Variants in KDM7A observed in about 807,000 individuals in gnomAD.
KDM7A encodes lysine demethylase 7A.
A neutral mutation model predicts 114.8 loss-of-function variants in KDM7A; 28 were observed. The observed-to-expected ratio is 0.24, with a 90% CI of 0.18 to 0.33. KDM7A has a LOEUF of 0.33. Among genes scored for constraint, KDM7A ranks in the 10% least tolerant of loss-of-function variants. The pLI is 1.00. For missense variants in KDM7A, 942 were observed against 1,142.5 expected (o/e 0.82, Z 2.53); for synonymous variants, 423 against 397.8 (o/e 1.06, Z -0.75).
intron 1 of KDM7A, among the ~76,000 whole-genome samples, chr7:140,167,663 A>C (rs1200219599): frequency 1.3e-5 from 2 of 152,070 alleles, no homozygotes; most frequent in Admixed American, 1.3e-4. Flanking sequence ...ATAAAACCAC[A>C]CAAGTATTAG....
intron 1 of KDM7A, among the ~76,000 whole-genome samples, chr7:140,150,827 C>CTTTTT (rs922394260): frequency 2.3e-5 from 3 of 127,850 alleles, no homozygotes; most frequent in Non-Finnish European, 3.3e-5. Flanking sequence ...AATCTCTGTT[C>CTTTTT]TTTTTTTTTT....
intron 2 of KDM7A, among the ~76,000 whole-genome samples, chr7:140,135,037 T>TG (rs1402766291): frequency 1.6e-5 from 2 of 127,404 alleles, no homozygotes; most frequent in African/African-American, 5.5e-5. Context: ...TAAGTCCCAT[T>TG]AAAAAAAAAA....
At chr7:140,139,590 CAT>C (rs1794236024) in intron 1 of KDM7A, among the ~76,000 whole-genome samples, 1 of 151,846 alleles carries the variant, frequency 6.6e-6, no homozygotes, top group Admixed American at 6.6e-5. Context: ...TAAACAGAAA[CAT>C]ATAGCTTTAA....
At chr7:140,123,231 G>A (rs1336130788) in intron 7 of KDM7A, among the ~76,000 whole-genome samples, 3 of 152,178 alleles carry the variant, frequency 2.0e-5, no homozygotes, top group East Asian at 3.8e-4. Flanking sequence ...ATACACTGCT[G>A]GTGGTAACGT....
chr7:140,152,322 C>T (rs1056829893), intron 1 of KDM7A, among the ~76,000 whole-genome samples: 11 of 152,024 alleles, frequency 7.2e-5, no homozygotes, highest in Non-Finnish European at 1.5e-4. Context: ...GACCCAGAGA[C>T]CTCAAAGAAT....
At chr7:140,175,104 C>G (rs1794687328) in intron 1 of KDM7A, among the ~76,000 whole-genome samples, 1 of 152,152 alleles carries the variant, frequency 6.6e-6, no homozygotes, top group Non-Finnish European at 1.5e-5. Context: ...ATTGGATATA[C>G]AAGACTGCTA....
At chr7:140,118,727 T>C (rs1818572208) in intron 9 of KDM7A, among the ~76,000 whole-genome samples, 1 of 152,114 alleles carries the variant, frequency 6.6e-6, no homozygotes, top group Non-Finnish European at 1.5e-5. Flanking sequence ...AGTTTGCTTT[T>C]TTAAAAGCAA....
At chr7:140,142,657 T>C (rs1794296915) in intron 1 of KDM7A, among the ~76,000 whole-genome samples, 1 of 152,160 alleles carries the variant, frequency 6.6e-6, no homozygotes, top group South Asian at 2.1e-4. Flanking sequence ...TTTAAACTGA[T>C]AGTCTGATAC....
Position 140,176,606 on chromosome 7 carries a change from G to A in KDM7A, c.194+138C>T, listed in dbSNP as rs916913640. The A allele has an allele frequency of 1.0e-4, 55 of 533,990 alleles. No individual in the cohort carries two copies. The highest frequency in any genetic ancestry group is 1.3e-4 in the Non-Finnish European group (53 of 418,438). The allele number at this position is 533,990 out of a possible 1,614,324, so 33.1% of individuals were successfully genotyped here. On this transcript the variant is annotated intron_variant, in intron 1 of 19. Transcript: ENST00000397560. This position sits in a 1 kb window ranked among gnomAD's most constrained non-coding sequence, Gnocchi z 4.4. ...ACCGCGCGCCCCACTGCCCGGCCGGGGGGCTAGGCACCGGGGCCCCCTGAA... is the reference window on the plus strand; with the variant it reads ...ACCGCGCGCCCCACTGCCCGGCCGGAGGGCTAGGCACCGGGGCCCCCTGAA...
At chr7:140,161,471 A>G (rs1360091295) in intron 1 of KDM7A, among the ~76,000 whole-genome samples, 2 of 152,172 alleles carry the variant, frequency 1.3e-5, no homozygotes, top group East Asian at 1.9e-4. Context: ...GGTTCCAGAC[A>G]ATGGAAATAT....
chr7:140,133,884 A>G (rs1818829960), intron 2 of KDM7A, among the ~76,000 whole-genome samples: 1 of 152,200 alleles, frequency 6.6e-6, no homozygotes, highest in Non-Finnish European at 1.5e-5. Context: ...AAAACATATA[A>G]AATTAAAGCA....
At chr7:140,124,592 T>C (rs1818669410) in intron 7 of KDM7A, 29 bp downstream of exon 7, 3 of 1,565,532 alleles carry the variant, frequency 1.9e-6, no homozygotes, top group South Asian at 2.4e-5. Flanking sequence ...ATCAATCATG[T>C]TGAGTAGGGG....
chr7:140,125,680 C>T (rs1361775175), intron 6 of KDM7A, among the ~76,000 whole-genome samples: 5 of 151,834 alleles, frequency 3.3e-5, no homozygotes, highest in African/African-American at 1.2e-4. Context: ...GATCCTCCTG[C>T]CTCAGCCTCT....
chr7:140,174,204 T>TA (rs1267013799), intron 1 of KDM7A, among the ~76,000 whole-genome samples: 1 of 151,522 alleles, frequency 6.6e-6, no homozygotes, highest in Non-Finnish European at 1.5e-5. Context: ...TTAAACTTAA[T>TA]AAAAAGATAC....
chr7:140,164,143 C>G (rs1794549545), intron 1 of KDM7A, among the ~76,000 whole-genome samples: 1 of 152,080 alleles, frequency 6.6e-6, no homozygotes, highest in Non-Finnish European at 1.5e-5. Context: ...TTCTCTAAAG[C>G]CAACTACCAA....
chr7:140,129,858 C>T lies in KDM7A; in HGVS notation c.399-205G>A, dbSNP rs371179671. On this transcript the variant is annotated intron_variant, in intron 3 of 19. Transcript: ENST00000397560. ...AAATTTATAGATAATGTAATATACA[C>T]AATTCAATACATATAATTAGAAATA... Among the ~76,000 whole-genome samples the T allele has an allele frequency of 8.7e-4, 132 of 152,110 alleles. 3 individuals carry two copies. The South Asian group carries it at 0.027, about 31-fold the overall frequency.
rs1352908251 is a variant in KDM7A, at chr7:140,176,941, TAAAAA to T, written c.-9_-5del. On this transcript the variant is annotated 5_prime_UTR_variant, in exon 1 of 20. Coordinates refer to ENST00000397560, the MANE Select transcript of KDM7A (RefSeq NM_030647.2). This position sits in a 1 kb window ranked among gnomAD's most constrained non-coding sequence, Gnocchi z 4.4. Reference sequence around the variant, plus strand: ...CCGCCGCCGCCGCTCCGGCCATCTTTAAAAAACACACACACGCTCGCTCGCTACTC... The same window carrying T: ...CCGCCGCCGCCGCTCCGGCCATCTTTACACACACACGCTCGCTCGCTACTC... The T allele has an allele frequency of 8.7e-7, 1 of 1,148,202 alleles. No homozygotes were observed. The highest frequency in any genetic ancestry group is 1.1e-6 in the Non-Finnish European group (1 of 930,728). The allele number at this position is 1,148,202 out of a possible 1,614,324, so 71.1% of individuals were successfully genotyped here. A position where few individuals can be genotyped will look rare whatever the true frequency, so the allele number is the denominator to read the frequency against.
chr7:140,155,682 G>C (rs1241045708), intron 1 of KDM7A, among the ~76,000 whole-genome samples: 1 of 152,200 alleles, frequency 6.6e-6, no homozygotes, highest in Non-Finnish European at 1.5e-5. Flanking sequence ...CGCAAGGAAG[G>C]AGATAAAACA....
chr7:140,098,939 T>C lies in KDM7A; in HGVS notation c.1858A>G (p.Ile620Val), dbSNP rs201356119. 257 of 1,613,730 alleles carry C rather than the reference T, an allele frequency of 1.6e-4. 1 individual carries two copies. The highest frequency in any genetic ancestry group is 1.5e-4 in the Non-Finnish European group (177 of 1,179,776). The change falls in exon 14 of 20, where the codon ATA (isoleucine) becomes GTA (valine). Residue 620 changes from isoleucine (I) to valine (V), a missense_variant. Physicochemically the swap from Ile to Val is conservative, Grantham distance 29. Transcript: ENST00000397560. ...CCCTCTACTCCTGAACTCTCTTCTA[T>C]CTTCATTTTTGCCTTTTTTGTCCTT... Reference protein sequence around the residue: ...KRRTKKAKMKIEESSGVEGVE... With the variant: ...KRRTKKAKMKVEESSGVEGVE...
Sources: gnomAD v4.1 joint callset for allele counts (sites outside exome capture counted in the v4.1 genomes callset) on GRCh38, gnomAD v4.1.1 for gene constraint, Gnocchi (gnomAD v3.1) non-coding constraint, MANE v1.5 for transcripts, NCBI Gene and HGNC (gene_info 2026-07-23, HGNC 2026-07-21) for gene names.